The following CEPT1 variants were observed in gnomAD, a reference collection of about 807,000 sequenced individuals.
CEPT1 encodes the protein choline/ethanolamine phosphotransferase 1.
A neutral mutation model predicts 42.6 loss-of-function variants in CEPT1; 7 were observed. The observed-to-expected ratio is 0.16, with a 90% CI of 0.09 to 0.31. CEPT1 has a LOEUF of 0.31. CEPT1 is among the 10% of genes least tolerant of loss of function. The pLI is 1.00. For synonymous variants in CEPT1, 171 were observed against 171.9 expected, an observed-to-expected ratio of 0.99 and a Z score of 0.04; for missense variants, 306 against 502.1, an observed-to-expected ratio of 0.61 and a Z score of 3.73.
chr1:111,148,286 A>G (rs1362601049), intron 2 of CEPT1, among the ~76,000 whole-genome samples: 1 of 152,182 alleles, frequency 6.6e-6, no homozygotes, highest in Non-Finnish European at 1.5e-5. Flanking sequence ...GCAGGGATTA[A>G]CATGTAAAAT....
rs368752959 is a variant in CEPT1, at chr1:111,147,786, T to C, written c.72T>C (p.His24=). 3.1e-6 allele frequency: 5 copies of C among 1,614,086 alleles called. No individual in the cohort carries two copies. Among genetic ancestry groups the C allele is most frequent in the Non-Finnish European group, 1.7e-6 (2 of 1,180,010 alleles). ...CGGAGTCCCCAGTGGGCTTCGGGCA[T>C]ATGAGTACTACAGGATGTGTATTAA... ...SHPESPVGFG[H]MSTTGCVLNK... is the part of the protein sequence containing the mutation. The change falls in exon 2 of 9, where the codon CAT becomes CAC. Residue 24 remains histidine (H), a synonymous_variant. Coordinates refer to ENST00000357172, the MANE Select transcript of CEPT1 (RefSeq NM_006090.5).
At chr1:111,150,589 T>A (rs2101253011) in intron 2 of CEPT1, among the ~76,000 whole-genome samples, 1 of 152,342 alleles carries the variant, frequency 6.6e-6, no homozygotes, top group Middle Eastern at 3.4e-3. Context: ...ATCATTAAGT[T>A]TCATGTCTAC....
intron 2 of CEPT1, among the ~76,000 whole-genome samples, chr1:111,151,114 G>GTTTTT (rs1176721936): frequency 1.4e-5 from 2 of 144,668 alleles, no homozygotes; most frequent in African/African-American, 2.6e-5. Flanking sequence ...AGCACTGCTT[G>GTTTTT]TTTTTTTTTG....
intron 3 of CEPT1, chr1:111,160,861 A>G (rs1655830346): frequency 2.2e-5 from 8 of 365,748 alleles, no homozygotes; most frequent in South Asian, 1.5e-4. Context: ...GCTGATCATT[A>G]GTACTAGTGT....
Position 111,156,948 on chromosome 1 carries a change from G to A in CEPT1, c.340-2432G>A, listed in dbSNP as rs549102837. On this transcript the variant is annotated intron_variant, in intron 2 of 8. Coordinates refer to ENST00000357172, the MANE Select transcript of CEPT1 (RefSeq NM_006090.5). ...CATTGTGATAAGATTATTTGTTTAT[G>A]TCAGTTCTTTCCCATACACTTATCA... Among the ~76,000 whole-genome samples, 22 of 152,240 alleles carry A rather than the reference G, an allele frequency of 1.4e-4. 1 individual carries two copies. The South Asian group carries it at 4.6e-3, about 32-fold the overall frequency.
intron 4 of CEPT1, among the ~76,000 whole-genome samples, chr1:111,166,163 A>G (rs1187104057): frequency 1.3e-5 from 2 of 152,172 alleles, no homozygotes; most frequent in Admixed American, 1.3e-4. Context: ...ATCAGTTGCC[A>G]TAGATGATGT....
chr1:111,155,637 G>C (rs1465550266), intron 2 of CEPT1, among the ~76,000 whole-genome samples: 1 of 151,858 alleles, frequency 6.6e-6, no homozygotes, highest in African/African-American at 2.4e-5. Context: ...CCTCACCTGG[G>C]AGGCGATCCT....
Position 111,151,128 on chromosome 1 carries a change from G to GTTT in CEPT1, c.339+3088_339+3090dup, listed in dbSNP as rs34545608. Among the ~76,000 whole-genome samples the GTTT allele has an allele frequency of 1.7e-4, 23 of 135,110 alleles. 1 individual carries two copies. The highest frequency in any genetic ancestry group is 4.9e-4 in the African/African-American group (17 of 34,868). 88.6% of individuals were successfully genotyped at this position (135,110 alleles called of 152,430 possible). A position where few individuals can be genotyped will look rare whatever the true frequency, so the allele number is the denominator to read the frequency against. On this transcript the variant is annotated intron_variant, in intron 2 of 8. Transcript: ENST00000357172. The stretch of plus-strand genomic sequence containing the variant: ...GAGCACTGCTTGTTTTTTTTTGTTT[G>GTTT]TTTTTTTTTTTTTTTGAGACGGAGT...
chr1:111,175,307 G>T lies in CEPT1; in HGVS notation c.714+344G>T, dbSNP rs142782564. Among the ~76,000 whole-genome samples the T allele has an allele frequency of 4.3e-4, 66 of 152,256 alleles. No homozygotes were observed. In the East Asian group the frequency reaches 0.013, roughly 29 times the overall value. On this transcript the variant is annotated intron_variant, in intron 5 of 8. Coordinates refer to ENST00000357172, the MANE Select transcript of CEPT1 (RefSeq NM_006090.5). The stretch of plus-strand genomic sequence containing the variant: ...CTTTCTTAACTACATGAGTCTACTA[G>T]TTTTTCTGTCATATACTTAAAGCTG...
intron 6 of CEPT1, 120 bp from the exon 7 acceptor site, chr1:111,182,678 GC>G: frequency 1.2e-6 from 1 of 846,680 alleles, no homozygotes. Flanking sequence ...AGAAATTGCT[GC>G]CTATCAGGCA....
intron 4 of CEPT1, among the ~76,000 whole-genome samples, chr1:111,173,899 A>C (rs1164747554): frequency 1.3e-5 from 2 of 152,150 alleles, no homozygotes; most frequent in Non-Finnish European, 2.9e-5. Context: ...AAAAGCTGTA[A>C]AATATTCTAT....
At chr1:111,159,241 T>G (rs1199737576) in intron 2 of CEPT1, 139 bp from the exon 3 acceptor site, 2 of 762,186 alleles carry the variant, frequency 2.6e-6, no homozygotes, top group Non-Finnish European at 4.2e-6. Context: ...ATTGTTTCAG[T>G]GAGTTCTTCA....
At chr1:111,145,061 G>C (rs924882257) in intron 1 of CEPT1, among the ~76,000 whole-genome samples, 3 of 151,740 alleles carry the variant, frequency 2.0e-5, no homozygotes, top group South Asian at 2.1e-4. Flanking sequence ...TGTCACTCAG[G>C]CTGGAATGCA....
intron 2 of CEPT1, among the ~76,000 whole-genome samples, chr1:111,158,899 A>ATTTTT (rs1245725389): frequency 2.6e-5 from 2 of 76,462 alleles, no homozygotes; most frequent in Non-Finnish European, 5.9e-5. Context: ...TTCTTTTACA[A>ATTTTT]TTCTTTTTTT....
At chr1:111,175,460 A>C (rs934157312) in intron 5 of CEPT1, among the ~76,000 whole-genome samples, 3 of 152,116 alleles carry the variant, frequency 2.0e-5, no homozygotes, top group Non-Finnish European at 2.9e-5. Context: ...CCTGAAATAT[A>C]GTCACTCTTA....
intron 2 of CEPT1, among the ~76,000 whole-genome samples, chr1:111,150,513 T>C (rs942708074): frequency 6.6e-6 from 1 of 152,194 alleles, no homozygotes; most frequent in Non-Finnish European, 1.5e-5. Context: ...TTTCGTAAAT[T>C]TTATCACCCA....
At chr1:111,180,543 A>C (rs1656921291) in intron 5 of CEPT1, 1 of 152,242 alleles carries the variant, frequency 6.6e-6, no homozygotes, top group Non-Finnish European at 1.5e-5. Context: ...CATAAAGTTT[A>C]GGACTTGACT....
intron 2 of CEPT1, among the ~76,000 whole-genome samples, chr1:111,158,323 C>T (rs1655680805): frequency 6.6e-6 from 1 of 152,140 alleles, no homozygotes; most frequent in Admixed American, 6.5e-5. Flanking sequence ...ACTGCACTCC[C>T]AGCCTGGGTG....
intron 8 of CEPT1, 97 bp downstream of exon 8, chr1:111,183,684 A>C (rs1571162300): frequency 8.2e-7 from 1 of 1,220,108 alleles, no homozygotes; most frequent in East Asian, 2.4e-5. Context: ...CGTTCATATA[A>C]TTGTAATGAT....
Sources: allele counts gnomAD v4.1 joint callset (sites outside exome capture counted in the v4.1 genomes callset), GRCh38; gene constraint gnomAD v4.1.1; transcripts MANE v1.5; gene names NCBI Gene and HGNC (gene_info 2026-07-23, HGNC 2026-07-21).